SYNE1: variants seen among roughly 807,000 people sequenced by gnomAD.
SYNE1 encodes the protein spectrin repeat containing nuclear envelope protein 1, also known as nesprin-1.
A neutral mutation model predicts 1,111.0 loss-of-function variants in SYNE1; 616 were observed. The observed-to-expected ratio is 0.55, with a 90% CI of 0.52 to 0.59. SYNE1 has a LOEUF of 0.59. Ranked by LOEUF, SYNE1 falls within the 20% of genes least tolerant of loss-of-function variation. The pLI, the probability that SYNE1 is intolerant of heterozygous loss-of-function variation, is 0.00. For missense variants in SYNE1, 10,006 were observed against 10,417.0 expected (o/e 0.96, Z 1.72); for synonymous variants, 3,855 against 3,825.8 (o/e 1.01, Z -0.28).
intron 98 of SYNE1, among the ~76,000 whole-genome samples, chr6:152,271,970 A>G (rs2093248506): frequency 6.6e-6 from 1 of 152,224 alleles, no homozygotes; most frequent in African/African-American, 2.4e-5. Flanking sequence ...CTTCTACACC[A>G]GTTACTATGG....
intron 6 of SYNE1, among the ~76,000 whole-genome samples, chr6:152,515,155 G>A (rs1323192656): frequency 2.6e-5 from 4 of 151,670 alleles, no homozygotes; most frequent in African/African-American, 9.7e-5. Flanking sequence ...CTGAGAGGTG[G>A]AGGTTGCAGT....
At chr6:152,256,557 C>T (rs2090917934) in intron 102 of SYNE1, 77 bp downstream of exon 102, 1 of 1,594,548 alleles carries the variant, frequency 6.3e-7, no homozygotes, top group Admixed American at 1.7e-5. Flanking sequence ...AACAGTCTCA[C>T]AGAGGCCAGG....
chr6:152,155,999 A>T lies in SYNE1; in HGVS notation c.23889T>A (p.Asp7963Glu), dbSNP rs2061314356. ...LLHDCDACAT[D>E]AECDSIQQAT... ...CCTGCTGTATAGAGTCACACTCGGC[A>T]TCAGTGGCACAGGCGTCACAGTCGT... The change falls in exon 132 of 146, where the codon GAT becomes GAA. Residue 7963 changes from aspartate to glutamate, a missense_variant. By Grantham distance (45) the Asp-to-Glu change is conservative (BLOSUM62 2). Transcript: ENST00000367255. The T allele has an allele frequency of 1.2e-6, 2 of 1,614,216 alleles. No homozygotes were observed. Among genetic ancestry groups the T allele is most frequent in the Non-Finnish European group, 1.7e-6 (2 of 1,180,044 alleles).
At chr6:152,618,038 C>G (rs969835800) in intron 3 of SYNE1, among the ~76,000 whole-genome samples, 8 of 152,120 alleles carry the variant, frequency 5.3e-5, no homozygotes, top group Non-Finnish European at 1.2e-4. Flanking sequence ...TATAGTGAGT[C>G]CTTGCAAGCT....
intron 95 of SYNE1, among the ~76,000 whole-genome samples, chr6:152,288,632 C>T (rs1219606954): frequency 6.6e-5 from 10 of 152,242 alleles, no homozygotes; most frequent in East Asian, 1.9e-4. Context: ...CTGCAACCTC[C>T]GCCCCCTGAG....
chr6:152,149,128 C>T (rs1279430810), intron 136 of SYNE1, among the ~76,000 whole-genome samples: 1 of 152,158 alleles, frequency 6.6e-6, no homozygotes, highest in Non-Finnish European at 1.5e-5. Context: ...AGCAGTGCTG[C>T]CCCATGTTTC....
chr6:152,314,730 C>T (rs564310235), intron 87 of SYNE1, among the ~76,000 whole-genome samples: 3 of 151,948 alleles, frequency 2.0e-5, no homozygotes, highest in South Asian at 2.1e-4. Context: ...GCGAGTAGAT[C>T]GCTTGAGGCC....
At chr6:152,311,282 C>A (rs2095538165) in intron 87 of SYNE1, 1 of 216,662 alleles carries the variant, frequency 4.6e-6, no homozygotes, top group Non-Finnish European at 9.4e-6. Context: ...CTCTCATATT[C>A]TATACGACTG....
intron 2 of SYNE1, among the ~76,000 whole-genome samples, chr6:152,632,788 AT>A (rs1413450230): frequency 3.3e-5 from 5 of 152,322 alleles, no homozygotes; most frequent in African/African-American, 9.6e-5. Context: ...GCTTAAATTA[AT>A]TTTTTTAAAA....
At chr6:152,344,458 T>A (rs1450431787) in intron 73 of SYNE1, among the ~76,000 whole-genome samples, 1 of 152,108 alleles carries the variant, frequency 6.6e-6, no homozygotes, top group Non-Finnish European at 1.5e-5. Context: ...AATATCCGGA[T>A]TAGGGGAAGA....
intron 55 of SYNE1, among the ~76,000 whole-genome samples, chr6:152,384,226 G>A (rs2097482643): frequency 6.6e-6 from 1 of 152,200 alleles, no homozygotes; most frequent in South Asian, 2.1e-4. Context: ...AATAGAAGGA[G>A]GATGTGGCAT....
intron 11 of SYNE1, among the ~76,000 whole-genome samples, 172 bp downstream of exon 11, chr6:152,498,570 G>A (rs2099011818): frequency 6.6e-6 from 1 of 152,088 alleles, no homozygotes; most frequent in Non-Finnish European, 1.5e-5. Flanking sequence ...CTAACATTTG[G>A]TAACACATAT....
chr6:152,192,275 G>A (rs977479863), intron 127 of SYNE1, among the ~76,000 whole-genome samples: 1 of 146,464 alleles, frequency 6.8e-6, no homozygotes, highest in Admixed American at 6.8e-5. Flanking sequence ...GGTCTGCAGT[G>A]CAGATTAACT....
intron 145 of SYNE1, chr6:152,125,855 T>G (rs1585431005): frequency 6.6e-6 from 1 of 152,486 alleles, no homozygotes; most frequent in Middle Eastern, 3.4e-3. Context: ...CATTGACCTG[T>G]TCACTCCTGA....
At position 152,616,301 on chromosome 6, in the gene SYNE1, C is replaced by T. The variant is rs540462603; in HGVS notation, c.67+11964G>A. On this transcript the variant is annotated intron_variant, in intron 3 of 145. Coordinates refer to ENST00000367255, the MANE Select transcript of SYNE1 (RefSeq NM_182961.4). Reference sequence around the variant, plus strand: ...TCAGGAGCTAGTGTTGGGCCGGGCACGGTCACTCACACCTGTAATCCCAAC... The same window carrying T: ...TCAGGAGCTAGTGTTGGGCCGGGCATGGTCACTCACACCTGTAATCCCAAC... Among the ~76,000 whole-genome samples, 73 of 152,236 alleles carry T rather than the reference C, an allele frequency of 4.8e-4. 1 individual carries two copies. The South Asian group carries it at 9.5e-3, about 20-fold the overall frequency.
rs567885733 is a variant in SYNE1, at chr6:152,275,331, T to C, written c.18573+2758A>G. ...GTACCTTGCAGACTTAAGTTTTATA[T>C]TGAAATCTTTGATCCACCTGTGATA... is the stretch of plus-strand genomic sequence containing the variant. On this transcript the variant is annotated intron_variant, in intron 98 of 145. Transcript: ENST00000367255. 2.6e-5 allele frequency among the ~76,000 whole-genome samples: 4 copies of C among 152,306 alleles called. No individual in the cohort carries two copies. In the East Asian group the frequency reaches 5.8e-4, roughly 22 times the overall value.
intron 87 of SYNE1, among the ~76,000 whole-genome samples, chr6:152,313,097 C>T (rs1008142202): frequency 4.6e-5 from 7 of 152,090 alleles, no homozygotes; most frequent in African/African-American, 1.7e-4. Context: ...AAAATCACGG[C>T]GGAGATATGC....
At position 152,321,846 on chromosome 6, in the gene SYNE1, G is replaced by T. The variant is rs749586669; in HGVS notation, c.15958C>A (p.Gln5320Lys). ...KVKTNGKLVK[Q>K]ELKDREMVET... ...ACCATTTCTCGGTCCTTCAGCTCTT[G>T]CTTCACCAACTTTCCATTAGTCTTC... The change falls in exon 83 of 146, where the codon CAA becomes AAA. Residue 5320 changes from glutamine (Q) to lysine (K), a missense_variant. This residue lies in a region of SYNE1 where 4,955 missense variants were observed against 5,017.2 expected (regional missense o/e 0.99). Transcript: ENST00000367255. 1 of 1,613,944 alleles carries T rather than the reference G, an allele frequency of 6.2e-7. No individual in the cohort carries two copies. The highest frequency in any genetic ancestry group is 8.5e-7 in the Non-Finnish European group (1 of 1,179,960).
At chr6:152,525,299 T>C (rs1048116622) in intron 5 of SYNE1, among the ~76,000 whole-genome samples, 2 of 152,152 alleles carry the variant, frequency 1.3e-5, no homozygotes, top group Non-Finnish European at 2.9e-5. Flanking sequence ...ATTGCCAAGA[T>C]ACAAGTGATA....
Sources: allele counts gnomAD v4.1 joint callset (sites outside exome capture counted in the v4.1 genomes callset), GRCh38; gene constraint gnomAD v4.1.1; regional missense constraint gnomAD v4.1.1; transcripts MANE v1.5; gene names NCBI Gene and HGNC (gene_info 2026-07-23, HGNC 2026-07-21).